The following HTR4 variants were observed in gnomAD, a reference collection of about 807,000 sequenced individuals.
HTR4 encodes the protein 5-hydroxytryptamine (serotonin) receptor 4, G protein-coupled.
A neutral mutation model predicts 36.8 loss-of-function variants in HTR4; 16 were observed. That is an observed-to-expected ratio of 0.43 (90% confidence interval 0.29 to 0.66). The LOEUF (loss-of-function observed/expected upper bound fraction) is 0.66. HTR4 is among the 30% of genes least tolerant of loss of function. HTR4 has a pLI of 0.13. For synonymous variants in HTR4, 189 were observed against 185.1 expected, an observed-to-expected ratio of 1.02 and a Z score of -0.17; for missense variants, 438 against 490.9, an observed-to-expected ratio of 0.89 and a Z score of 1.02.
intron 2 of HTR4, among the ~76,000 whole-genome samples, chr5:148,630,696 G>C (rs1753291689): frequency 1.3e-5 from 2 of 152,068 alleles, no homozygotes; most frequent in African/African-American, 4.8e-5. Flanking sequence ...TACCTCTCAT[G>C]ATACTCGTGA....
intron 5 of HTR4, among the ~76,000 whole-genome samples, chr5:148,518,539 T>A (rs915128880): frequency 6.6e-6 from 1 of 152,178 alleles, no homozygotes; most frequent in African/African-American, 2.4e-5. Flanking sequence ...TTTCTGCCAT[T>A]CCACAGTCAT....
chr5:148,553,028 G>T (rs894515419), intron 2 of HTR4, among the ~76,000 whole-genome samples: 1 of 152,200 alleles, frequency 6.6e-6, no homozygotes, highest in Non-Finnish European at 1.5e-5. Flanking sequence ...CTATCTGAGC[G>T]CTGTCATTTG....
At chr5:148,569,058 G>C (rs1760566931) in intron 2 of HTR4, among the ~76,000 whole-genome samples, 1 of 151,406 alleles carries the variant, frequency 6.6e-6, no homozygotes, top group Non-Finnish European at 1.5e-5. Flanking sequence ...GTAGTTGTAG[G>C]GTCAAGACAG....
At chr5:148,638,983 G>C (rs1254885654) in intron 1 of HTR4, among the ~76,000 whole-genome samples, 1 of 152,004 alleles carries the variant, frequency 6.6e-6, no homozygotes, top group African/African-American at 2.4e-5. Context: ...GGAGGTTGAG[G>C]CTGCTGTGAG....
chr5:148,499,242 G>C (rs942321275), intron 6 of HTR4, among the ~76,000 whole-genome samples: 2 of 152,058 alleles, frequency 1.3e-5, no homozygotes, highest in African/African-American at 4.8e-5. Flanking sequence ...TGGACTTAGG[G>C]CTCTCAAATA....
At position 148,552,371 on chromosome 5, in the gene HTR4, A is replaced by C. The variant is rs530764358; in HGVS notation, c.27-2109T>G. ...GGGAAGATTTAATTCAATGAGGAAA[A>C]CTGTACACTTAGAAAAAAGACCTTA... On this transcript the variant is annotated intron_variant, in intron 2 of 6. Coordinates refer to ENST00000377888, the MANE Select transcript of HTR4 (RefSeq NM_000870.7). Among the ~76,000 whole-genome samples, 370 of 152,366 alleles carry C rather than the reference A, an allele frequency of 2.4e-3. 4 individuals carry two copies. Among genetic ancestry groups the C allele is most frequent in the Non-Finnish European group, 4.3e-3 (291 of 68,032 alleles).
intron 5 of HTR4, among the ~76,000 whole-genome samples, chr5:148,516,507 A>T (rs1047350826): frequency 9.2e-5 from 14 of 151,802 alleles, no homozygotes; most frequent in African/African-American, 3.4e-4. Context: ...ATTAGTAGAG[A>T]TGGGGTTTTA....
intron 5 of HTR4, among the ~76,000 whole-genome samples, chr5:148,468,180 C>T (rs1755479706): frequency 6.6e-6 from 1 of 152,128 alleles, no homozygotes. Context: ...GGTGGTTAGC[C>T]AACTGCCTGG....
At chr5:148,468,723 T>C (rs959720952) in intron 5 of HTR4, among the ~76,000 whole-genome samples, 2 of 152,202 alleles carry the variant, frequency 1.3e-5, no homozygotes, top group African/African-American at 4.8e-5. Flanking sequence ...TGAAGAGTCT[T>C]GATATGGCTG....
chr5:148,614,636 C>G (rs1003450744), intron 2 of HTR4, among the ~76,000 whole-genome samples: 8 of 152,258 alleles, frequency 5.3e-5, no homozygotes, highest in African/African-American at 1.7e-4. Flanking sequence ...GACTTCATGT[C>G]TAAGACACCA....
intron 2 of HTR4, among the ~76,000 whole-genome samples, chr5:148,581,623 C>A (rs1044261460): frequency 6.6e-6 from 1 of 151,998 alleles, no homozygotes; most frequent in Admixed American, 6.6e-5. Flanking sequence ...TTATCAGCAT[C>A]CTTATTGAAG....
intron 1 of HTR4, among the ~76,000 whole-genome samples, chr5:148,641,351 G>A (rs1030983906): frequency 3.3e-5 from 5 of 152,090 alleles, no homozygotes; most frequent in Non-Finnish European, 5.9e-5. Flanking sequence ...TGACAGTCAC[G>A]CTGTACTCTA....
intron 2 of HTR4, among the ~76,000 whole-genome samples, chr5:148,571,909 C>T (rs1760694209): frequency 6.6e-6 from 1 of 152,080 alleles, no homozygotes; most frequent in South Asian, 2.1e-4. Context: ...AATTTATTAT[C>T]TCATGAATAT....
intron 2 of HTR4, among the ~76,000 whole-genome samples, chr5:148,609,424 A>G (rs1295836638): frequency 2.0e-5 from 3 of 152,202 alleles, no homozygotes; most frequent in South Asian, 4.1e-4. Context: ...TTGAATTTTC[A>G]AACATCATGG....
At chr5:148,554,596 T>G (rs1316394295) in intron 2 of HTR4, among the ~76,000 whole-genome samples, 1 of 151,930 alleles carries the variant, frequency 6.6e-6, no homozygotes, top group African/African-American at 2.4e-5. Flanking sequence ...AATTATAGAG[T>G]GTTTGGAATG....
intron 2 of HTR4, among the ~76,000 whole-genome samples, chr5:148,611,061 T>G (rs1159445042): frequency 4.0e-5 from 6 of 149,220 alleles, no homozygotes; most frequent in Admixed American, 3.3e-4. Context: ...TTGGTGTACC[T>G]GAAAGTGATG....
intron 2 of HTR4, among the ~76,000 whole-genome samples, chr5:148,610,171 A>T (rs1003913228): frequency 2.0e-5 from 3 of 152,208 alleles, no homozygotes; most frequent in Non-Finnish European, 4.4e-5. Flanking sequence ...TCTTGTGGAT[A>T]GAAAGCTCCT....
chr5:148,643,973 T>A (rs1753801429), intron 1 of HTR4, among the ~76,000 whole-genome samples: 1 of 152,170 alleles, frequency 6.6e-6, no homozygotes, highest in Non-Finnish European at 1.5e-5. Context: ...ACTAAGGGGC[T>A]GTTTATTGCA....
chr5:148,473,259 G>A (rs1335946823), downstream of HTR4, among the ~76,000 whole-genome samples: 4 of 144,614 alleles, frequency 2.8e-5, no homozygotes, highest in African/African-American at 5.4e-5. Flanking sequence ...CCGAGATCGC[G>A]CCACTGCATT....
Sources: allele counts gnomAD v4.1 joint callset (sites outside exome capture counted in the v4.1 genomes callset), GRCh38; gene constraint gnomAD v4.1.1; transcripts MANE v1.5; gene names NCBI Gene and HGNC (gene_info 2026-07-23, HGNC 2026-07-21).